Variants in KIF26B observed in about 807,000 individuals in gnomAD.
KIF26B encodes kinesin-like protein KIF26B.
Under a neutral mutation model 151.2 loss-of-function variants are expected in KIF26B, and 63 were observed. That is an observed-to-expected ratio of 0.42 (90% CI 0.34 to 0.51). KIF26B has a LOEUF of 0.51. Ranked by LOEUF, KIF26B falls within the 20% of genes least tolerant of loss-of-function variation. KIF26B has a pLI of 0.07. For missense variants in KIF26B, 2,813 were observed against 2,913.6 expected (o/e 0.97, Z 0.79); for synonymous variants, 1,357 against 1,262.1 (o/e 1.08, Z -1.59).
intron 10 of KIF26B, among the ~76,000 whole-genome samples, chr1:245,662,965 C>CTTT (rs58163033): frequency 6.8e-6 from 1 of 146,520 alleles, no homozygotes; most frequent in Non-Finnish European, 1.5e-5. Flanking sequence ...TCACCTCTGT[C>CTTT]TTTTTTTTTT....
At chr1:245,493,900 C>T (rs558067418) in intron 4 of KIF26B, among the ~76,000 whole-genome samples, 115 of 152,236 alleles carry the variant, frequency 7.6e-4, no homozygotes, top group African/African-American at 2.6e-3. Context: ...ATACTCCAGT[C>T]GTTGTCCCCT....
chr1:245,611,241 T>C (rs1270442975), intron 8 of KIF26B, among the ~76,000 whole-genome samples: 6 of 152,210 alleles, frequency 3.9e-5, no homozygotes, highest in Admixed American at 3.9e-4. Flanking sequence ...TTTATAACTA[T>C]GCTAGTAAAT....
chr1:245,238,205 A>C, intron 2 of KIF26B, among the ~76,000 whole-genome samples: 1 of 151,708 alleles, frequency 6.6e-6, no homozygotes, highest in East Asian at 2.0e-4. Flanking sequence ...GCATGGTGGC[A>C]GGCACATGTA....
At chr1:245,213,708 T>C (rs1573712152) in intron 2 of KIF26B, among the ~76,000 whole-genome samples, 1 of 152,208 alleles carries the variant, frequency 6.6e-6, no homozygotes, top group Non-Finnish European at 1.5e-5. Flanking sequence ...GTGGTGTGGA[T>C]GCACACGTGA....
chr1:245,507,781 A>C (rs1660753441), intron 4 of KIF26B, among the ~76,000 whole-genome samples: 1 of 152,160 alleles, frequency 6.6e-6, no homozygotes, highest in South Asian at 2.1e-4. Flanking sequence ...GCTTCACAGC[A>C]CTACGTAAGC....
At chr1:245,637,683 T>TA (rs1327377382) in intron 9 of KIF26B, among the ~76,000 whole-genome samples, 2 of 152,046 alleles carry the variant, frequency 1.3e-5, no homozygotes, top group African/African-American at 2.4e-5. Flanking sequence ...CATAATGTGA[T>TA]AAAAAATGAA....
chr1:245,422,289 C>T (rs183025317), intron 4 of KIF26B, among the ~76,000 whole-genome samples: 1 of 152,054 alleles, frequency 6.6e-6, no homozygotes, highest in Non-Finnish European at 1.5e-5. Flanking sequence ...ATTTCCCCCC[C>T]ACCCTTTACT....
intron 4 of KIF26B, among the ~76,000 whole-genome samples, chr1:245,444,552 G>A (rs1184359105): frequency 6.6e-6 from 1 of 152,324 alleles, no homozygotes; most frequent in East Asian, 1.9e-4. Flanking sequence ...CCACAGAAAG[G>A]GTGTTGATTT....
At chr1:245,246,061 C>T (rs952598394) in intron 2 of KIF26B, among the ~76,000 whole-genome samples, 1 of 150,344 alleles carries the variant, frequency 6.7e-6, no homozygotes, top group Non-Finnish European at 1.5e-5. Context: ...CACTGCACTC[C>T]AGCCTGGGCG....
rs1670286647 is a variant in KIF26B, at chr1:245,244,762, A to ACACACACACACACACACACACACAC, written c.465+88080_465+88104dup. Among the ~76,000 whole-genome samples, 1 of 140,914 alleles carries ACACACACACACACACACACACACAC rather than the reference A, an allele frequency of 7.1e-6. No individual in the cohort carries two copies. Among genetic ancestry groups the ACACACACACACACACACACACACAC allele is most frequent in the Non-Finnish European group, 1.5e-5 (1 of 67,370 alleles). The allele number at this position is 140,914 out of a possible 152,430, so 92.4% of individuals were successfully genotyped here. A position where few individuals can be genotyped will look rare whatever the true frequency, so the allele number is the denominator to read the frequency against. Reference sequence around the variant, plus strand: ...AACACACAGACACGCACACTCACACACACACACACACACACACACACACAC... The same window carrying ACACACACACACACACACACACACAC: ...AACACACAGACACGCACACTCACACACACACACACACACACACACACACACCACACACACACACACACACACACAC... On this transcript the variant is annotated intron_variant, in intron 2 of 14. Transcript: ENST00000407071. The surrounding 1 kb of genome is among the most constrained non-coding windows in gnomAD (Gnocchi z 4.2).
chr1:245,251,462 C>A (rs1206461416), intron 2 of KIF26B, among the ~76,000 whole-genome samples: 1 of 152,150 alleles, frequency 6.6e-6, no homozygotes, highest in Non-Finnish European at 1.5e-5. Context: ...TTTTTCAACG[C>A]TTTATAATTT....
intron 4 of KIF26B, among the ~76,000 whole-genome samples, chr1:245,522,115 C>T (rs1282535430): frequency 6.6e-5 from 10 of 152,182 alleles, no homozygotes; most frequent in East Asian, 5.8e-4. Context: ...ATGATCTGCC[C>T]GCCTTGGCCT....
chr1:245,366,590 G>A (rs984499913), intron 2 of KIF26B, among the ~76,000 whole-genome samples: 2 of 151,582 alleles, frequency 1.3e-5, no homozygotes, highest in Non-Finnish European at 2.9e-5. Context: ...ATACTTAGAA[G>A]TCTTATTTAT....
At chr1:245,185,837 A>C (rs923557440) in intron 2 of KIF26B, among the ~76,000 whole-genome samples, 1 of 151,622 alleles carries the variant, frequency 6.6e-6, no homozygotes, top group African/African-American at 2.4e-5. Context: ...CTTGAGAGTT[A>C]AAGAAAAGCT....
chr1:245,290,115 C>T (rs12748466), intron 2 of KIF26B, among the ~76,000 whole-genome samples: 17,237 of 152,106 alleles, frequency 0.11, 1,099 homozygotes, highest in African/African-American at 0.16. Flanking sequence ...CTTGTCACCT[C>T]TATATCTCCA....
intron 2 of KIF26B, among the ~76,000 whole-genome samples, chr1:245,309,832 A>G (rs1235871110): frequency 6.9e-6 from 1 of 145,868 alleles, no homozygotes; most frequent in Non-Finnish European, 1.5e-5. Flanking sequence ...GTAAAATTAT[A>G]ATATATATTA....
intron 5 of KIF26B, among the ~76,000 whole-genome samples, chr1:245,598,180 A>G (rs953852439): frequency 6.6e-5 from 10 of 151,980 alleles, no homozygotes; most frequent in Non-Finnish European, 1.5e-4. Flanking sequence ...ATTTATCATC[A>G]CCTACACACT....
At chr1:245,290,499 T>A (rs1048468751) in intron 2 of KIF26B, among the ~76,000 whole-genome samples, 4 of 152,358 alleles carry the variant, frequency 2.6e-5, no homozygotes, top group Middle Eastern at 3.4e-3. Flanking sequence ...ATGCCTCCCC[T>A]TTTTAGACCA....
At chr1:245,364,590 T>C (rs1672900010) in intron 2 of KIF26B, among the ~76,000 whole-genome samples, 1 of 151,988 alleles carries the variant, frequency 6.6e-6, no homozygotes, top group Non-Finnish European at 1.5e-5. Flanking sequence ...CCAGCTAATT[T>C]TTTTGTATTT....
Sources: gnomAD v4.1 joint callset for allele counts (sites outside exome capture counted in the v4.1 genomes callset) on GRCh38, gnomAD v4.1.1 for gene constraint, Gnocchi (gnomAD v3.1) non-coding constraint, MANE v1.5 for transcripts, NCBI Gene and HGNC (gene_info 2026-07-23, HGNC 2026-07-21) for gene names.